SYN3: variants seen among roughly 807,000 people sequenced by gnomAD.
SYN3 encodes the protein synapsin III.
In SYN3, 35 loss-of-function variants were observed where a neutral mutation model predicts 65.8. The ratio of observed to expected loss-of-function variants is 0.53; its 90% CI spans 0.41 to 0.70. SYN3 has a LOEUF of 0.70. Ranked by LOEUF, SYN3 falls within the 30% of genes least tolerant of loss-of-function variation. The probability of loss-of-function intolerance (pLI) is 0.00; values close to 1 mark genes in which losing one functional copy is unlikely to be tolerated. For synonymous variants in SYN3, 270 were observed against 292.9 expected, an observed-to-expected ratio of 0.92 and a Z score of 0.80; for missense variants, 680 against 749.0, an observed-to-expected ratio of 0.91 and a Z score of 1.08.
chr22:32,913,004 G>A (rs2050092305), intron 4 of SYN3, among the ~76,000 whole-genome samples: 1 of 152,124 alleles, frequency 6.6e-6, no homozygotes, highest in South Asian at 2.1e-4. Context: ...GACGACGATG[G>A]TGTGTAGATG....
rs111346783 is a variant in SYN3, at chr22:32,509,632, G to A, written c.*4060C>T. Reference sequence around the variant, plus strand: ...TGCCCAGGCTGGAGTGCAGTGGTGCGATCTCGGCTCACTGCAAGCTCCGCC... The same window carrying A: ...TGCCCAGGCTGGAGTGCAGTGGTGCAATCTCGGCTCACTGCAAGCTCCGCC... On this transcript the variant is annotated 3_prime_UTR_variant, in exon 14 of 14. Transcript: ENST00000358763. Among the ~76,000 whole-genome samples, 6 of 151,810 alleles carry A rather than the reference G, an allele frequency of 4.0e-5. No homozygotes were observed. The highest frequency in any genetic ancestry group is 6.6e-5 in the Admixed American group (1 of 15,244).
At chr22:32,840,214 C>A (rs1319431192) in intron 6 of SYN3, among the ~76,000 whole-genome samples, 2 of 152,164 alleles carry the variant, frequency 1.3e-5, no homozygotes, top group Admixed American at 6.5e-5. Context: ...TTTTTAGCCA[C>A]AGGCATTCAT....
At chr22:32,964,277 T>C (rs1350744122) in intron 3 of SYN3, among the ~76,000 whole-genome samples, 1 of 101,254 alleles carries the variant, frequency 9.9e-6, no homozygotes, top group Non-Finnish European at 1.9e-5. Context: ...CCGGGGCCTG[T>C]TGTGGGGTGG....
intron 7 of SYN3, among the ~76,000 whole-genome samples, chr22:32,574,059 T>A (rs1215732853): frequency 6.6e-6 from 1 of 151,866 alleles, no homozygotes; most frequent in Non-Finnish European, 1.5e-5. Context: ...ATTACAGGCA[T>A]GAGCCACTGA....
intron 7 of SYN3, among the ~76,000 whole-genome samples, chr22:32,562,953 AC>A (rs1483832728): frequency 2.0e-5 from 3 of 152,342 alleles, no homozygotes; most frequent in African/African-American, 7.2e-5. Context: ...AAGAGACCTC[AC>A]TGGGTGACCT....
intron 6 of SYN3, among the ~76,000 whole-genome samples, chr22:32,672,983 C>G (rs1035551389): frequency 6.6e-6 from 1 of 152,154 alleles, no homozygotes; most frequent in Middle Eastern, 3.2e-3. Context: ...CTGGTTAGGA[C>G]GAAGCCCAAT....
intron 6 of SYN3, among the ~76,000 whole-genome samples, chr22:32,695,050 T>C (rs1349439323): frequency 4.6e-5 from 7 of 152,354 alleles, no homozygotes; most frequent in Non-Finnish European, 1.0e-4. Context: ...TTCTATGGTA[T>C]ATTAAGACCA....
At chr22:32,975,591 C>T (rs1045482201) in intron 3 of SYN3, among the ~76,000 whole-genome samples, 1 of 152,120 alleles carries the variant, frequency 6.6e-6, no homozygotes, top group Non-Finnish European at 1.5e-5. Flanking sequence ...TGCAACCAGC[C>T]GAACCTGCAC....
chr22:32,865,600 T>C (rs2048668087), intron 5 of SYN3, among the ~76,000 whole-genome samples: 1 of 152,188 alleles, frequency 6.6e-6, no homozygotes, highest in South Asian at 2.1e-4. Flanking sequence ...TATTAATAAA[T>C]ATTTTCTCTG....
rs2053196473 is a variant in SYN3 at position 33,006,392 on chromosome 22, G to A, written c.271C>T (p.Pro91Ser). ...PGPSTPIVQR[P>S]RILLVIDDAH... Reference sequence around the variant, plus strand: ...TCATCGATCACCAACAGGATCCTGGGTCTTTGAACAATGGGCGTGGAGGGA... The same window carrying A: ...TCATCGATCACCAACAGGATCCTGGATCTTTGAACAATGGGCGTGGAGGGA... Residue 91 changes from proline to serine, a missense_variant, in exon 2 of 14, where the codon CCC (proline) becomes TCC (serine). Coordinates refer to ENST00000358763, the MANE Select transcript of SYN3 (RefSeq NM_003490.4). 6.2e-7 allele frequency: 1 copy of A among 1,614,066 alleles called. No homozygotes were observed. The highest frequency in any genetic ancestry group is 1.1e-5 in the South Asian group (1 of 91,070).
intron 6 of SYN3, among the ~76,000 whole-genome samples, chr22:32,691,536 T>C (rs1487046974): frequency 6.6e-6 from 1 of 152,210 alleles, no homozygotes; most frequent in Non-Finnish European, 1.5e-5. Context: ...AAAGTATGGT[T>C]ACTTCTACAT....
intron 7 of SYN3, among the ~76,000 whole-genome samples, 166 bp from the exon 8 acceptor site, chr22:32,541,879 C>T (rs1012733023): frequency 5.3e-5 from 8 of 152,092 alleles, no homozygotes; most frequent in Non-Finnish European, 1.0e-4. Context: ...ACACACCGCA[C>T]GAGCTGCAGA....
At chr22:32,725,801 T>G (rs1357336042) in intron 6 of SYN3, among the ~76,000 whole-genome samples, 1 of 152,246 alleles carries the variant, frequency 6.6e-6, no homozygotes, top group African/African-American at 2.4e-5. Context: ...TTTAAGCCAC[T>G]AAGTGTATGG....
intron 12 of SYN3, 157 bp downstream of exon 12, chr22:32,527,761 A>G (rs2058003607): frequency 3.3e-6 from 2 of 612,848 alleles, no homozygotes; most frequent in Non-Finnish European, 5.6e-6. Context: ...TTGACTTTTT[A>G]AAGAGTTTGA....
chr22:32,996,489 G>C (rs547570417), intron 2 of SYN3, among the ~76,000 whole-genome samples: 11 of 152,256 alleles, frequency 7.2e-5, no homozygotes, highest in African/African-American at 2.6e-4. Flanking sequence ...AAAAGGTACA[G>C]TATCTTGGCC....
intron 1 of SYN3, among the ~76,000 whole-genome samples, chr22:33,044,827 C>T (rs111893468): frequency 1.2e-3 from 185 of 151,164 alleles, no homozygotes; most frequent in African/African-American, 4.1e-3. Flanking sequence ...TTTTAACAAC[C>T]TTCCCAGATG....
intron 3 of SYN3, among the ~76,000 whole-genome samples, chr22:32,964,491 T>C (rs1038174321): frequency 9.2e-5 from 14 of 151,398 alleles, no homozygotes; most frequent in African/African-American, 3.2e-4. Flanking sequence ...AACATGGATC[T>C]GAAAAATTGC....
rs144848309 is a variant in SYN3, at chr22:32,513,788, G to A, written c.1647C>T (p.Ser549=). 1.1e-5 allele frequency: 17 copies of A among 1,614,044 alleles called. No individual in the cohort carries two copies. The highest frequency in any genetic ancestry group is 7.7e-5 in the South Asian group (7 of 91,068). The change falls in exon 14 of 14, where the codon TCC becomes TCT. Residue 549 remains serine, a synonymous_variant. Coordinates refer to ENST00000358763, the MANE Select transcript of SYN3 (RefSeq NM_003490.4). Reference sequence around the variant, plus strand: ...TTGGGGTCCCACGCTGGGAGGTGTCGGATGTGCTGAGGCTGTTAGTCAGGG... The same window carrying A: ...TTGGGGTCCCACGCTGGGAGGTGTCAGATGTGCTGAGGCTGTTAGTCAGGG... ...SQSLTNSLST[S]DTSQRGTPSE...
chr22:32,739,284 T>C (rs569565048), intron 6 of SYN3, among the ~76,000 whole-genome samples: 1 of 152,300 alleles, frequency 6.6e-6, no homozygotes, highest in Admixed American at 6.5e-5. Context: ...TTCTCTCTCT[T>C]GTCTGCCACC....
Sources: gnomAD v4.1 joint callset for allele counts (sites outside exome capture counted in the v4.1 genomes callset) on GRCh38, gnomAD v4.1.1 for gene constraint, MANE v1.5 for transcripts, NCBI Gene and HGNC (gene_info 2026-07-23, HGNC 2026-07-21) for gene names.